Variants in WRN observed in about 807,000 individuals in gnomAD.
The protein encoded by WRN is WRN RecQ like helicase.
A neutral mutation model predicts 180.7 loss-of-function variants in WRN; 149 were observed. The ratio of observed to expected loss-of-function variants is 0.82; its 90% CI spans 0.72 to 0.94. The LOEUF (loss-of-function observed/expected upper bound fraction) is 0.94, where lower values mean the gene tolerates loss of function less well. WRN is among the 40% of genes least tolerant of loss of function. WRN has a pLI of 0.00. For synonymous variants in WRN, 548 were observed against 568.9 expected, an observed-to-expected ratio of 0.96 and a Z score of 0.52; for missense variants, 1,661 against 1,700.1, an observed-to-expected ratio of 0.98 and a Z score of 0.40.
chr8:31,128,317 T>A (rs989510375), intron 23 of WRN, among the ~76,000 whole-genome samples: 3 of 152,104 alleles, frequency 2.0e-5, no homozygotes, highest in Non-Finnish European at 4.4e-5. Context: ...ATCAGATACA[T>A]AGTATATGGA....
intron 31 of WRN, among the ~76,000 whole-genome samples, chr8:31,154,259 T>G (rs1374679371): frequency 6.6e-6 from 1 of 152,074 alleles, no homozygotes; most frequent in Non-Finnish European, 1.5e-5. Flanking sequence ...GAATAGTGAT[T>G]CTGTTCATTC....
chr8:31,062,172 A>G (rs1394124211), intron 3 of WRN, among the ~76,000 whole-genome samples: 1 of 152,136 alleles, frequency 6.6e-6, no homozygotes, highest in Non-Finnish European at 1.5e-5. Context: ...GTTGTCTAGT[A>G]TCTGAAACAG....
intron 26 of WRN, among the ~76,000 whole-genome samples, chr8:31,142,310 G>A (rs1044314613): frequency 3.3e-5 from 5 of 152,096 alleles, no homozygotes; most frequent in Admixed American, 2.6e-4. Context: ...CTTTCTCATC[G>A]ATTAAAGAAG....
chr8:31,097,328 G>A (rs11574264), intron 17 of WRN, among the ~76,000 whole-genome samples: 2,794 of 152,036 alleles, frequency 0.018, 70 homozygotes, highest in African/African-American at 0.064. Flanking sequence ...AAAAATGTAG[G>A]TAACCAACAC....
At chr8:31,135,672 A>C (rs909833920) in intron 24 of WRN, among the ~76,000 whole-genome samples, 1 of 152,182 alleles carries the variant, frequency 6.6e-6, no homozygotes, top group Non-Finnish European at 1.5e-5. Context: ...TTGGTGTGAT[A>C]CTGTGGATTT....
At chr8:31,090,217 G>C (rs1271713667) in intron 13 of WRN, among the ~76,000 whole-genome samples, 3 of 149,988 alleles carry the variant, frequency 2.0e-5, no homozygotes, top group African/African-American at 7.4e-5. Flanking sequence ...ATGAAGCTTA[G>C]AATCTGTTTT....
rs367802610 is a variant in WRN at position 31,152,654 on chromosome 8, T to A, written c.3688-1970T>A. The stretch of plus-strand genomic sequence containing the variant: ...AGCACTCTTCAGATAAAAAGACATT[T>A]TTGCTAACTAGATTTGAATATTATA... On this transcript the variant is annotated intron_variant, in intron 31 of 34. Coordinates refer to ENST00000298139, the MANE Select transcript of WRN (RefSeq NM_000553.6). Among the ~76,000 whole-genome samples the A allele has an allele frequency of 2.6e-5, 4 of 152,288 alleles. No individual in the cohort carries two copies. The East Asian group carries it at 5.8e-4, about 22-fold the overall frequency.
intron 21 of WRN, 55 bp from the exon 22 acceptor site, chr8:31,124,467 G>T: frequency 7.7e-6 from 10 of 1,300,938 alleles, no homozygotes; most frequent in South Asian, 2.6e-5. Flanking sequence ...AAAAAAAAAA[G>T]TAAGAAAGTT....
intron 23 of WRN, chr8:31,131,645 C>G (rs1802176723): frequency 6.5e-6 from 1 of 153,354 alleles, no homozygotes; most frequent in South Asian, 2.1e-4. Flanking sequence ...CAAATTGAAA[C>G]CTGATCTGCC....
At position 31,157,433 on chromosome 8, in the gene WRN, G is replaced by A. The variant is rs551020765; in HGVS notation, c.3885G>A (p.Val1295=). 1 of 1,614,154 alleles carries A rather than the reference G, an allele frequency of 6.2e-7. No homozygotes were observed. The highest frequency in any genetic ancestry group is 1.1e-5 in the South Asian group (1 of 91,082). ...MTIGMHLSQA[V]KAGCPLDLER... is the part of the protein sequence containing the mutation. ...TTGGCATGCACTTATCCCAAGCGGTGAAAGCTGGCTGCCCCCTTGATTTGG... is the reference window on the plus strand; with the variant it reads ...TTGGCATGCACTTATCCCAAGCGGTAAAAGCTGGCTGCCCCCTTGATTTGG... Residue 1295 remains valine (V), a synonymous_variant, in exon 33 of 35, where the codon GTG becomes GTA. Transcript: ENST00000298139.
chr8:31,150,048 T>C (rs1178851512), intron 30 of WRN, among the ~76,000 whole-genome samples: 1 of 152,184 alleles, frequency 6.6e-6, no homozygotes, highest in Non-Finnish European at 1.5e-5. Context: ...AAATCAGTAA[T>C]AAAGTGAATA....
rs71539917 is a variant in WRN at position 31,140,003 on chromosome 8, GTTTTTTTT to G, written c.2968-1404_2968-1397del. Among the ~76,000 whole-genome samples the G allele has an allele frequency of 9.7e-3, 600 of 62,064 alleles. 4 individuals are homozygous for G. Among genetic ancestry groups the G allele is most frequent in the African/African-American group, 0.034 (558 of 16,480 alleles). 40.7% of individuals were successfully genotyped at this position (62,064 alleles called of 152,430 possible). On this transcript the variant is annotated intron_variant, in intron 24 of 34. Transcript: ENST00000298139. ...AAGCTCTATGTTTGTATACTTCTTT[GTTTTTTTT>G]TTTTTTTTTTTTTTTTTTTTTTGAG... is the stretch of plus-strand genomic sequence containing the variant.
chr8:31,158,255 A>G (rs1316741854), intron 33 of WRN, among the ~76,000 whole-genome samples: 3 of 152,120 alleles, frequency 2.0e-5, no homozygotes, highest in Admixed American at 2.0e-4. Context: ...CAACACAGTC[A>G]TTGGTATCAG....
intron 7 of WRN, among the ~76,000 whole-genome samples, chr8:31,072,213 G>T (rs1812939693): frequency 6.6e-6 from 1 of 152,234 alleles, no homozygotes; most frequent in South Asian, 2.1e-4. Flanking sequence ...CATGTTTTAA[G>T]TAGGAGGATG....
chr8:31,100,012 T>C (rs566585323), intron 17 of WRN, among the ~76,000 whole-genome samples: 41 of 152,300 alleles, frequency 2.7e-4, no homozygotes, highest in Admixed American at 4.6e-4. Flanking sequence ...ATCCTCCTCC[T>C]AGTGTCCGAA....
At chr8:31,090,735 A>G (rs1344435254) in intron 14 of WRN, 99 bp from the exon 15 acceptor site, 1 of 1,125,606 alleles carries the variant, frequency 8.9e-7, no homozygotes, top group African/African-American at 1.6e-5. Context: ...TTGACCATTC[A>G]TCTGTATAAG....
At chr8:31,098,761 C>A (rs1476076428) in intron 17 of WRN, among the ~76,000 whole-genome samples, 1 of 152,062 alleles carries the variant, frequency 6.6e-6, no homozygotes, top group Non-Finnish European at 1.5e-5. Context: ...TAGGGAGGCT[C>A]CTTACCAACC....
intron 11 of WRN, among the ~76,000 whole-genome samples, chr8:31,086,590 A>T (rs1241290011): frequency 5.0e-5 from 7 of 141,294 alleles, no homozygotes; most frequent in African/African-American, 7.6e-5. Flanking sequence ...TTAAAAAATT[A>T]AAAAAAAAAA....
chr8:31,093,180 T>G (rs1813826564), intron 16 of WRN, among the ~76,000 whole-genome samples: 1 of 152,184 alleles, frequency 6.6e-6, no homozygotes, highest in Non-Finnish European at 1.5e-5. Flanking sequence ...GTCAGGATTG[T>G]TTCCAGTTTT....
Sources: gnomAD v4.1 joint callset for allele counts (sites outside exome capture counted in the v4.1 genomes callset) on GRCh38, gnomAD v4.1.1 for gene constraint, MANE v1.5 for transcripts, NCBI Gene and HGNC (gene_info 2026-07-23, HGNC 2026-07-21) for gene names.